DTHD1: variants seen among roughly 807,000 people sequenced by gnomAD.
DTHD1 encodes the protein death domain-containing protein 1.
A neutral mutation model predicts 74.8 loss-of-function variants in DTHD1; 59 were observed. The observed-to-expected ratio is 0.79, with a 90% confidence interval of 0.64 to 0.98. The LOEUF (loss-of-function observed/expected upper bound fraction) is 0.98, where lower values mean the gene tolerates loss of function less well. Among genes scored for constraint, DTHD1 ranks in the 50% least tolerant of loss-of-function variants. DTHD1 has a pLI of 0.00. For missense variants in DTHD1, 1,051 were observed against 1,065.4 expected (o/e 0.99, Z 0.19); for synonymous variants, 365 against 371.1 (o/e 0.98, Z 0.19).
chr4:36,318,295 C>T (rs940951005), intron 8 of DTHD1, among the ~76,000 whole-genome samples: 8 of 152,178 alleles, frequency 5.3e-5, no homozygotes, highest in African/African-American at 1.9e-4. Flanking sequence ...TTTAGGGCAT[C>T]CAGGTACACC....
intron 7 of DTHD1, among the ~76,000 whole-genome samples, chr4:36,312,675 C>CA (rs1293851300): frequency 4.6e-5 from 7 of 151,634 alleles, no homozygotes; most frequent in Non-Finnish European, 8.8e-5. Flanking sequence ...TTGCCAGTGA[C>CA]ACTGAACTCG....
intron 8 of DTHD1, chr4:36,332,778 C>T (rs560651334): frequency 9.2e-5 from 14 of 152,132 alleles, no homozygotes; most frequent in Non-Finnish European, 1.8e-4. Flanking sequence ...CAGAGGAAAA[C>T]AGTAAGAGCT....
chr4:36,281,890 G>A lies in DTHD1; in HGVS notation c.132G>A (p.Met44Ile). The A allele has an allele frequency of 7.8e-7, 1 of 1,279,930 alleles. No homozygotes were observed. Among genetic ancestry groups the A allele is most frequent in the Non-Finnish European group, 9.9e-7 (1 of 1,009,280 alleles). 79.3% of individuals were successfully genotyped at this position (1,279,930 alleles called of 1,614,324 possible). Residue 44 changes from methionine to isoleucine, a missense_variant, in exon 1 of 10, where the codon ATG becomes ATA. Coordinates refer to ENST00000639862, the MANE Select transcript of DTHD1 (RefSeq NM_001170700.3). ...AGGGGGCTGGTGGGGCCACTTGGAT[G>A]GCCACTGTGGTCTTTCTGGGTCAGG... ...LCEGAGGATW[M>I]ATVVFLGQEL...
chr4:36,339,963 T>G (rs1759225998), intron 9 of DTHD1, among the ~76,000 whole-genome samples: 1 of 152,226 alleles, frequency 6.6e-6, no homozygotes, highest in Non-Finnish European at 1.5e-5. Context: ...GATAAAAGCT[T>G]TGCAAGTTTA....
Position 36,308,282 on chromosome 4 carries a change from G to C in DTHD1, c.1884G>C (p.Met628Ile). ...VTFVKSLEEAMLSTTACIVLS... is the reference protein window; with the variant it reads ...VTFVKSLEEAILSTTACIVLS... Reference sequence around the variant, plus strand: ...TTGTGAAATCTTTAGAGGAAGCCATGCTCAGCACCACTGCCTGCATAGTAC... The same window carrying C: ...TTGTGAAATCTTTAGAGGAAGCCATCCTCAGCACCACTGCCTGCATAGTAC... The change falls in exon 7 of 10, where the codon ATG (methionine) becomes ATC (isoleucine). Residue 628 changes from methionine (M) to isoleucine (I), a missense_variant. Transcript: ENST00000639862. 6.4e-7 allele frequency: 1 copy of C among 1,552,086 alleles called. No homozygotes were observed. The highest frequency in any genetic ancestry group is 8.7e-7 in the Non-Finnish European group (1 of 1,147,060).
At chr4:36,311,561 G>A (rs148271087) in intron 7 of DTHD1, 1 of 146,484 alleles carries the variant, frequency 6.8e-6, no homozygotes, top group African/African-American at 2.5e-5. Flanking sequence ...TCCTGATTAT[G>A]TCAGACCTTA....
At chr4:36,311,244 C>T (rs552703464) in intron 7 of DTHD1, 1 of 152,248 alleles carries the variant, frequency 6.6e-6, no homozygotes, top group South Asian at 2.1e-4. Context: ...AGGCAGGATA[C>T]CCAGATCCTG....
intron 1 of DTHD1, among the ~76,000 whole-genome samples, chr4:36,283,591 C>T (rs1320002715): frequency 1.3e-5 from 2 of 152,184 alleles, no homozygotes; most frequent in East Asian, 3.8e-4. Flanking sequence ...CATTGATAAA[C>T]TATTGTACAT....
intron 8 of DTHD1, among the ~76,000 whole-genome samples, chr4:36,320,300 G>A (rs893011772): frequency 6.6e-6 from 1 of 152,116 alleles, no homozygotes. Context: ...TGCATGCAAC[G>A]AACTGCGCAG....
At chr4:36,302,344 A>G (rs1433482871) in intron 5 of DTHD1, among the ~76,000 whole-genome samples, 2 of 152,154 alleles carry the variant, frequency 1.3e-5, no homozygotes, top group Non-Finnish European at 2.9e-5. Context: ...CAATACTTGT[A>G]ACTGTGACAC....
intron 8 of DTHD1, among the ~76,000 whole-genome samples, chr4:36,327,845 C>T (rs1488278484): frequency 1.3e-5 from 2 of 152,112 alleles, no homozygotes; most frequent in East Asian, 3.8e-4. Flanking sequence ...TTCCTGGATG[C>T]CCCTTCCTTC....
chr4:36,326,998 G>A (rs774928023), intron 8 of DTHD1, among the ~76,000 whole-genome samples: 8 of 148,196 alleles, frequency 5.4e-5, no homozygotes, highest in Admixed American at 1.4e-4. Context: ...ACGGAGTCTC[G>A]CTCTGTCACC....
rs185518315 is a variant in DTHD1, at chr4:36,287,136, C to A, written c.887+2545C>A. ...CTTTTATCCCTCACCTCCCTCCCAC[C>A]CTTTCCCCAGAGTCCCCAAAGTCTA... On this transcript the variant is annotated intron_variant, in intron 2 of 9. Transcript: ENST00000639862. 4.3e-4 allele frequency among the ~76,000 whole-genome samples: 66 copies of A among 152,268 alleles called. No individual in the cohort carries two copies. In the East Asian group the frequency reaches 6.4e-3, roughly 15 times the overall value.
Position 36,328,375 on chromosome 4 carries a change from CTG to C in DTHD1, c.2341-10733_2341-10732del, listed in dbSNP as rs1758471476. Among the ~76,000 whole-genome samples the C allele has an allele frequency of 2.6e-5, 4 of 152,294 alleles. No individual in the cohort carries two copies. The South Asian group carries it at 6.2e-4, about 24-fold the overall frequency. On this transcript the variant is annotated intron_variant, in intron 8 of 9. Coordinates refer to ENST00000639862, the MANE Select transcript of DTHD1 (RefSeq NM_001170700.3). ...GCCTAGGTTTTCAGGAAGTTCTACA[CTG>C]TGTAATTATAAGAAAGTTCACGAAG... is the stretch of plus-strand genomic sequence containing the variant.
intron 8 of DTHD1, among the ~76,000 whole-genome samples, chr4:36,330,436 G>A (rs933388919): frequency 2.0e-5 from 3 of 152,068 alleles, no homozygotes; most frequent in Non-Finnish European, 4.4e-5. Flanking sequence ...TTCTAAATTT[G>A]TTTCCTTGTC....
chr4:36,290,491 G>T lies in DTHD1; in HGVS notation c.1006G>T (p.Val336Leu). Residue 336 changes from valine to leucine, a missense_variant, in exon 3 of 10, where the codon GTG becomes TTG. Coordinates refer to ENST00000639862, the MANE Select transcript of DTHD1 (RefSeq NM_001170700.3). ...RIINHMSSLI[V>L]GDNEELVSNV... The stretch of plus-strand genomic sequence containing the variant: ...AATAAATCACATGAGTTCTTTAATA[G>T]TGGGTGATAATGAAGAGTTAGTTAG... The T allele has an allele frequency of 6.4e-7, 1 of 1,551,716 alleles. No homozygotes were observed. The highest frequency in any genetic ancestry group is 2.0e-5 in the Admixed American group (1 of 50,998).
rs1755581657 is a variant in DTHD1, at chr4:36,284,413, G to C, written c.709G>C (p.Glu237Gln). The C allele has an allele frequency of 6.5e-7, 1 of 1,537,090 alleles. No individual in the cohort carries two copies. Among genetic ancestry groups the C allele is most frequent in the Non-Finnish European group, 8.7e-7 (1 of 1,146,832 alleles). ...TGTTGAGAACATAAATGGCAACAGG[G>C]AAGAGACTCATGGCATAATTCAGAC... The part of the protein sequence containing the change: ...MTVENINGNR[E>Q]ETHGIIQTTE... The change falls in exon 2 of 10, where the codon GAA becomes CAA. Residue 237 changes from glutamate (E) to glutamine (Q), a missense_variant. Transcript: ENST00000639862.
rs1040447767 is a variant in DTHD1 at position 36,316,331 on chromosome 4, G to A, written c.2185G>A (p.Glu729Lys). 16 of 1,551,942 alleles carry A rather than the reference G, an allele frequency of 1.0e-5. No individual in the cohort carries two copies. The Admixed American group carries it at 1.8e-4, about 17-fold the overall frequency. ...GGAACTCCAAATCAAAGAAGTGGAC[G>A]AATTTGGAAACTATAGTTGCCCTCA... ...RLELQIKEVD[E>K]FGNYSCPHYK... Residue 729 changes from glutamate (E) to lysine (K), a missense_variant, in exon 8 of 10, where the codon GAA becomes AAA. Physicochemically the swap from Glu to Lys is moderately conservative, Grantham distance 56. Coordinates refer to ENST00000639862, the MANE Select transcript of DTHD1 (RefSeq NM_001170700.3).
chr4:36,284,813 A>G (rs547399661), intron 2 of DTHD1, among the ~76,000 whole-genome samples: 1 of 152,140 alleles, frequency 6.6e-6, no homozygotes, highest in Non-Finnish European at 1.5e-5. Context: ...TGGTTCATAG[A>G]AGGTGCCTTC....
Sources: allele counts gnomAD v4.1 joint callset (sites outside exome capture counted in the v4.1 genomes callset), GRCh38; gene constraint gnomAD v4.1.1; transcripts MANE v1.5; gene names NCBI Gene and HGNC (gene_info 2026-07-23, HGNC 2026-07-21).